CD99L2: variants seen among roughly 807,000 people sequenced by gnomAD.
CD99L2 encodes the protein CD99 antigen-like protein 2.
CD99L2 carries 24 observed loss-of-function variants against 27.3 expected under a neutral mutation model. The ratio of observed to expected loss-of-function variants is 0.88; its 90% CI spans 0.64 to 1.24. CD99L2 has a LOEUF of 1.24. Among genes scored for constraint, CD99L2 ranks in the 50% most tolerant of loss-of-function variants. The probability of loss-of-function intolerance (pLI) is 0.00; values close to 1 mark genes in which losing one functional copy is unlikely to be tolerated. For missense variants in CD99L2, 255 were observed against 221.6 expected, an observed-to-expected ratio of 1.15 and a Z score of -0.96; for synonymous variants, 97 against 87.9, an observed-to-expected ratio of 1.10 and a Z score of -0.58.
At chrX:150,897,385 T>G (rs782789290) in intron 1 of CD99L2, among the ~76,000 whole-genome samples, 17 of 112,790 alleles carry the variant, frequency 1.5e-4, no homozygotes, top group African/African-American at 4.5e-4. Context: ...AAATGGCTCT[T>G]CGTGAATCAA....
At chrX:150,824,411 A>G (rs1488018751) in intron 2 of CD99L2, among the ~76,000 whole-genome samples, 2 of 102,641 alleles carry the variant, frequency 1.9e-5, no homozygotes, top group Non-Finnish European at 4.0e-5. Context: ...AAGAAGAAGA[A>G]AAGAAGAAGA....
intron 10 of CD99L2, among the ~76,000 whole-genome samples, chrX:150,770,000 G>C (rs1603282577): frequency 8.8e-6 from 1 of 113,056 alleles, no homozygotes; most frequent in African/African-American, 3.2e-5. Context: ...GGATGTAATT[G>C]TATTCGCTGA....
At chrX:150,788,851 C>T (rs975246684) in intron 7 of CD99L2, among the ~76,000 whole-genome samples, 1 of 111,524 alleles carries the variant, frequency 9.0e-6, no homozygotes, top group Non-Finnish European at 1.9e-5. Flanking sequence ...CCAAGGTGGC[C>T]GTACCATTTT....
rs2124054920 is a variant in CD99L2, at chrX:150,780,527, C to T, written c.497-3045G>A. 1.8e-5 allele frequency among the ~76,000 whole-genome samples: 2 copies of T among 112,035 alleles called. 1 individual carries two copies. The highest frequency in any genetic ancestry group is 7.4e-4 in the South Asian group (2 of 2,703). On this transcript the variant is annotated intron_variant, in intron 7 of 10. Transcript: ENST00000370377. ...ATGTTCATCGCAGTATTCATAAAAG[C>T]TATAAACAACCCAAAGGTTCATCAA...
In CD99L2 at chrX:150,768,820, C is replaced by A. The variant is rs2148700478; in HGVS notation, c.*214G>T. 2 of 877,943 alleles carry A rather than the reference C, an allele frequency of 2.3e-6. No homozygotes were observed. Among genetic ancestry groups the A allele is most frequent in the South Asian group, 9.5e-5 (2 of 21,060 alleles). 72.4% of individuals were successfully genotyped at this position (877,943 alleles called of 1,213,427 possible). A position where few individuals can be genotyped will look rare whatever the true frequency, so the allele number is the denominator to read the frequency against. On this transcript the variant is annotated 3_prime_UTR_variant, in exon 11 of 11. Transcript: ENST00000370377. The stretch of plus-strand genomic sequence containing the variant: ...GGCTGGTGCTGGCTTTCTATCAGAG[C>A]TGGCTCTTGAATTTCGGCACCAAGT...
chrX:150,861,058 C>T (rs782622974), intron 1 of CD99L2, among the ~76,000 whole-genome samples: 48 of 103,135 alleles, frequency 4.7e-4, no homozygotes, highest in Non-Finnish European at 8.2e-4. Context: ...AGGAGAATGG[C>T]GTGAACCCAG....
chrX:150,792,251 C>T (rs1256779360), intron 7 of CD99L2, among the ~76,000 whole-genome samples: 2 of 112,257 alleles, frequency 1.8e-5, no homozygotes, highest in Non-Finnish European at 3.8e-5. Flanking sequence ...ACACTTCTTC[C>T]TTGCTAAAAC....
At chrX:150,853,026 T>C (rs1179670915) in intron 1 of CD99L2, among the ~76,000 whole-genome samples, 6 of 111,361 alleles carry the variant, frequency 5.4e-5, no homozygotes, top group Non-Finnish European at 1.1e-4. Context: ...CTGAAATCCA[T>C]TCATGCTGCA....
At chrX:150,871,191 T>C (rs2047150849) in intron 1 of CD99L2, among the ~76,000 whole-genome samples, 1 of 111,865 alleles carries the variant, frequency 8.9e-6, no homozygotes, top group African/African-American at 3.3e-5. Context: ...AGGAGGAAAA[T>C]GACAAGACAG....
In CD99L2 at chrX:150,816,021, G is replaced by A. The variant is rs782821150; in HGVS notation, c.188C>T (p.Pro63Leu). Residue 63 changes from proline (P) to leucine (L), a missense_variant, in exon 3 of 11, where the codon CCG becomes CTG. By Grantham distance (98) the Pro-to-Leu change is moderately conservative (BLOSUM62 -3). Transcript: ENST00000370377. Reference sequence around the variant, plus strand: ...AGCCACATTACCTGGAGGTTTTGCCGGAGCTCTGGTGGTTCCTGGCCTATT... The same window carrying A: ...AGCCACATTACCTGGAGGTTTTGCCAGAGCTCTGGTGGTTCCTGGCCTATT... ...TTNRPGTTRA[P>L]AKPPGSGLDL... 111 of 1,209,476 alleles carry A rather than the reference G, an allele frequency of 9.2e-5. 1 individual carries two copies. The South Asian group carries it at 1.4e-3, about 15-fold the overall frequency.
chrX:150,802,094 T>C (rs1405545491), intron 4 of CD99L2, among the ~76,000 whole-genome samples: 1 of 111,905 alleles, frequency 8.9e-6, no homozygotes, highest in Non-Finnish European at 1.9e-5. Flanking sequence ...AAGAACTATA[T>C]ATGTTTCTAT....
intron 1 of CD99L2, among the ~76,000 whole-genome samples, chrX:150,844,870 A>C (rs200309781): frequency 0.28 from 30,897 of 109,058 alleles, 3,444 homozygotes; most frequent in African/African-American, 0.41. Context: ...TGACAGGGTG[A>C]CTCTTCCAGT....
At chrX:150,859,546 G>A (rs1400286189) in intron 1 of CD99L2, among the ~76,000 whole-genome samples, 1 of 107,078 alleles carries the variant, frequency 9.3e-6, no homozygotes, top group Admixed American at 1.0e-4. Flanking sequence ...TGCCCGGGCT[G>A]GAATGCAGTG....
intron 8 of CD99L2, 106 bp from the exon 9 acceptor site, chrX:150,776,399 C>G (rs782135542): frequency 8.2e-4 from 744 of 904,139 alleles, no homozygotes; most frequent in Non-Finnish European, 1.0e-3. Flanking sequence ...CTACTAGACG[C>G]CCCCAACCCC....
intron 1 of CD99L2, among the ~76,000 whole-genome samples, chrX:150,861,905 C>CAA (rs1344952307): frequency 4.8e-5 from 4 of 82,766 alleles, no homozygotes; most frequent in Non-Finnish European, 9.4e-5. Flanking sequence ...GACTCTTTCT[C>CAA]AAAAAAAAAA....
chrX:150,791,468 G>C (rs2045686435), intron 7 of CD99L2, among the ~76,000 whole-genome samples: 1 of 111,182 alleles, frequency 9.0e-6, no homozygotes, highest in Non-Finnish European at 1.9e-5. Flanking sequence ...GAGTGAGAAA[G>C]GGCCCAGGAG....
intron 2 of CD99L2, among the ~76,000 whole-genome samples, chrX:150,817,775 C>T (rs978837455): frequency 9.0e-6 from 1 of 111,229 alleles, no homozygotes; most frequent in African/African-American, 3.3e-5. Context: ...ATTGCTTAAG[C>T]CCATAAGTTT....
rs185654892 is a variant in CD99L2, at chrX:150,790,812, C to T, written c.496+2879G>A. ...CATGTTTAGGTTATATACCTGCTGA[C>T]GGTTAAAAGAAATTATTTTGGATAT... On this transcript the variant is annotated intron_variant, in intron 7 of 10. Transcript: ENST00000370377. Among the ~76,000 whole-genome samples, 289 of 111,617 alleles carry T rather than the reference C, an allele frequency of 2.6e-3. 1 individual carries two copies. The highest frequency in any genetic ancestry group is 3.6e-3 in the Non-Finnish European group (192 of 53,074).
intron 9 of CD99L2, among the ~76,000 whole-genome samples, chrX:150,770,678 AG>A (rs1274311321): frequency 1.8e-5 from 2 of 112,879 alleles, no homozygotes; most frequent in African/African-American, 3.2e-5. Context: ...CGCCCAGTGG[AG>A]GGGGCGCCCG....
Sources: allele counts gnomAD v4.1 joint callset (sites outside exome capture counted in the v4.1 genomes callset), GRCh38; gene constraint gnomAD v4.1.1; transcripts MANE v1.5; gene names NCBI Gene and HGNC (gene_info 2026-07-23, HGNC 2026-07-21).